Variants in DSG2 observed in about 807,000 individuals in gnomAD.
DSG2 encodes desmoglein-2.
DSG2 carries 45 observed loss-of-function variants against 75.6 expected under a neutral mutation model. That is an observed-to-expected ratio of 0.60 (90% CI 0.47 to 0.76). The LOEUF is 0.76. Among genes scored for constraint, DSG2 ranks in the 30% least tolerant of loss-of-function variants. The pLI is 0.00. For missense variants in DSG2, 1,267 were observed against 1,357.4 expected (o/e 0.93, Z 1.05); for synonymous variants, 429 against 483.9 (o/e 0.89, Z 1.49).
rs761360851 is a variant in DSG2, at chr18:31,524,874, G to A, written c.1000G>A (p.Val334Met). 2 of 1,614,070 alleles carry A rather than the reference G, an allele frequency of 1.2e-6. No homozygotes were observed. The highest frequency in any genetic ancestry group is 1.7e-6 in the Non-Finnish European group (2 of 1,180,026). ...ETDAQTNEGI[V>M]TLIKEVDYEE... ...AGATGCTCAAACTAACGAAGGAATT[G>A]TGACCCTTATTAAGGTAAGTACTAA... Residue 334 changes from valine to methionine, a missense_variant, in exon 8 of 15, where the codon GTG (valine) becomes ATG (methionine). Transcript: ENST00000261590.
chr18:31,510,459 G>A (rs1041216985), intron 1 of DSG2, among the ~76,000 whole-genome samples: 4 of 152,176 alleles, frequency 2.6e-5, no homozygotes, highest in Non-Finnish European at 5.9e-5. Context: ...AGTGACTCAT[G>A]AGTCCTTCTG....
At chr18:31,541,829 T>C (rs2073270134) in intron 13 of DSG2, among the ~76,000 whole-genome samples, 1 of 152,190 alleles carries the variant, frequency 6.6e-6, no homozygotes, top group South Asian at 2.1e-4. Context: ...GGATTTAGCA[T>C]CAGGTGGCAG....
chr18:31,524,052 A>G (rs535243175), intron 6 of DSG2, among the ~76,000 whole-genome samples: 1 of 152,374 alleles, frequency 6.6e-6, no homozygotes, highest in South Asian at 2.1e-4. Context: ...AAGTTCACCC[A>G]GTTTTGCCTT....
At chr18:31,536,452 A>G (rs780311622) in intron 11 of DSG2, 23 bp downstream of exon 11, 50 of 1,591,242 alleles carry the variant, frequency 3.1e-5, no homozygotes, top group Non-Finnish European at 3.8e-5. Flanking sequence ...ACTGGACTAC[A>G]TAGAAATCTA....
rs1030057976 is a variant in DSG2, at chr18:31,542,244, G to T, written c.2002-276G>T. The T allele has an allele frequency of 2.4e-5, 12 of 508,598 alleles. No individual in the cohort carries two copies. The Admixed American group carries it at 3.9e-4, about 16-fold the overall frequency. 31.5% of individuals were successfully genotyped at this position (508,598 alleles called of 1,614,324 possible). A position where few individuals can be genotyped will look rare whatever the true frequency, so the allele number is the denominator to read the frequency against. On this transcript the variant is annotated intron_variant, in intron 13 of 14. Coordinates refer to ENST00000261590, the MANE Select transcript of DSG2 (RefSeq NM_001943.5). ...AAGAAGGTATCAAACTGTAGAGGGA[G>T]GTTGAAATGCCATTGGTCGCATAGA...
intron 1 of DSG2, among the ~76,000 whole-genome samples, chr18:31,511,821 G>A (rs1021706069): frequency 6.0e-4 from 92 of 152,170 alleles, no homozygotes; most frequent in African/African-American, 2.1e-3. Context: ...CACCAGTAAC[G>A]AGGTGAAGAA....
intron 12 of DSG2, 81 bp downstream of exon 12, chr18:31,539,059 A>G (rs2073250356): frequency 1.5e-6 from 2 of 1,337,304 alleles, no homozygotes; most frequent in East Asian, 2.3e-5. Flanking sequence ...GTAGTCATTG[A>G]TTTCTTCACA....
At chr18:31,541,541 T>C (rs2073268124) in intron 13 of DSG2, among the ~76,000 whole-genome samples, 1 of 152,186 alleles carries the variant, frequency 6.6e-6, no homozygotes, top group Non-Finnish European at 1.5e-5. Context: ...TTGTAGAGAA[T>C]GTAGAGCAAG....
chr18:31,525,031 AT>A, intron 8 of DSG2, 143 bp downstream of exon 8: 1 of 828,436 alleles, frequency 1.2e-6, no homozygotes, highest in Non-Finnish European at 2.0e-6. Context: ...AGCCATCCCT[AT>A]TTGCCCAAGT....
At chr18:31,499,920 A>G (rs566789970) in intron 1 of DSG2, among the ~76,000 whole-genome samples, 1 of 151,410 alleles carries the variant, frequency 6.6e-6, no homozygotes, top group African/African-American at 2.4e-5. Flanking sequence ...GGACTGTTCT[A>G]TGTATTTTCT....
chr18:31,521,947 A>T, intron 5 of DSG2, 136 bp from the exon 6 acceptor site: 1 of 737,670 alleles, frequency 1.4e-6, no homozygotes, highest in Non-Finnish European at 2.3e-6. Flanking sequence ...GTTAAATGTT[A>T]TATTGTGGTC....
rs180695545 is a variant in DSG2, at chr18:31,546,029, C to G, written c.2643C>G (p.Thr881=). 1.9e-6 allele frequency: 3 copies of G among 1,614,154 alleles called. No individual in the cohort carries two copies. Among genetic ancestry groups the G allele is most frequent in the East Asian group, 2.2e-5 (1 of 44,880 alleles). ...CEQTMVNSEN[T]YSSGSSFPVP... Reference sequence around the variant, plus strand: ...AAACTATGGTTAATTCAGAGAATACCTACTCCTCTGGCAGTAGCTTCCCAG... The same window carrying G: ...AAACTATGGTTAATTCAGAGAATACGTACTCCTCTGGCAGTAGCTTCCCAG... The change falls in exon 15 of 15, where the codon ACC becomes ACG. Residue 881 remains threonine, a synonymous_variant. Transcript: ENST00000261590.
intron 1 of DSG2, among the ~76,000 whole-genome samples, chr18:31,507,900 T>G (rs1364830788): frequency 6.6e-6 from 1 of 152,248 alleles, no homozygotes; most frequent in African/African-American, 2.4e-5. Context: ...GATGATGGTT[T>G]CTTTTGCTGT....
intron 1 of DSG2, among the ~76,000 whole-genome samples, chr18:31,512,402 C>G (rs978847468): frequency 6.6e-6 from 1 of 152,246 alleles, no homozygotes; most frequent in Non-Finnish European, 1.5e-5. Flanking sequence ...TACTGCAACT[C>G]CCAGGGTTTA....
At chr18:31,541,091 G>A in intron 12 of DSG2, 102 bp from the exon 13 acceptor site, 3 of 1,444,284 alleles carry the variant, frequency 2.1e-6, no homozygotes, top group Non-Finnish European at 9.7e-7. Flanking sequence ...AATAAGTGAA[G>A]ACAAGTCCAG....
chr18:31,516,870 A>G (rs1455810645), intron 1 of DSG2, among the ~76,000 whole-genome samples: 1 of 152,228 alleles, frequency 6.6e-6, no homozygotes, highest in African/African-American at 2.4e-5. Context: ...GCAGTCTGCT[A>G]GCTGCTCCGG....
chr18:31,514,673 T>C lies in DSG2; in HGVS notation c.46-3566T>C, dbSNP rs577280213. Among the ~76,000 whole-genome samples the C allele has an allele frequency of 6.6e-5, 10 of 152,344 alleles. No individual in the cohort carries two copies. In the South Asian group the frequency reaches 2.1e-3, roughly 32 times the overall value. Reference sequence around the variant, plus strand: ...CTGAAACCTTGTTAGAAATGCAAAGTGTAAGGCTGACCTCTAGACCTACTG... The same window carrying C: ...CTGAAACCTTGTTAGAAATGCAAAGCGTAAGGCTGACCTCTAGACCTACTG... On this transcript the variant is annotated intron_variant, in intron 1 of 14. Transcript: ENST00000261590.
chr18:31,508,887 C>G (rs1272207612), intron 1 of DSG2, among the ~76,000 whole-genome samples: 2 of 152,092 alleles, frequency 1.3e-5, no homozygotes, highest in Non-Finnish European at 2.9e-5. Flanking sequence ...ATCAGCATCC[C>G]CAGGAAACTT....
chr18:31,518,347 G>A, intron 2 of DSG2, 73 bp downstream of exon 2: 4 of 1,300,346 alleles, frequency 3.1e-6, no homozygotes, highest in East Asian at 4.6e-5. Flanking sequence ...GGTTGACTGG[G>A]CTTTACTAGA....
Sources: gnomAD v4.1 joint callset for allele counts (sites outside exome capture counted in the v4.1 genomes callset) on GRCh38, gnomAD v4.1.1 for gene constraint, MANE v1.5 for transcripts, NCBI Gene and HGNC (gene_info 2026-07-23, HGNC 2026-07-21) for gene names.